Variants in NAALADL2 observed in about 807,000 individuals in gnomAD.
The protein encoded by NAALADL2 is N-acetylated alpha-linked acidic dipeptidase like 2, also known as inactive N-acetylated-alpha-linked acidic dipeptidase-like protein 2.
A neutral mutation model predicts 87.2 loss-of-function variants in NAALADL2; 76 were observed. That is an observed-to-expected ratio of 0.87 (90% confidence interval 0.72 to 1.05). NAALADL2 has a LOEUF of 1.05. Among genes scored for constraint, NAALADL2 ranks in the 50% least tolerant of loss-of-function variants. NAALADL2 has a pLI of 0.00. For synonymous variants in NAALADL2, 354 were observed against 331.0 expected (o/e 1.07, Z -0.75); for missense variants, 1,089 against 945.8 (o/e 1.15, Z -1.99).
intron 1 of NAALADL2, among the ~76,000 whole-genome samples, chr3:174,910,697 A>C (rs990413138): frequency 6.6e-6 from 1 of 152,054 alleles, no homozygotes; most frequent in Non-Finnish European, 1.5e-5. Flanking sequence ...CATATTAGTC[A>C]TATTCAACAC....
rs1356377008 is a variant in NAALADL2 at position 174,461,016 on chromosome 3, C to CAATAAGAA, written c.-184+19987_-184+19988insAAGAAAAT. 2.6e-5 allele frequency among the ~76,000 whole-genome samples: 4 copies of CAATAAGAA among 151,990 alleles called. No individual in the cohort carries two copies. The East Asian group carries it at 7.7e-4, about 29-fold the overall frequency. On this transcript the variant is annotated intron_variant, in intron 1 of 3. Coordinates refer to the NAALADL2 transcript ENST00000434257. ...CAGCTTACTTGTAATGGATGCTCTG[C>CAATAAGAA]AATTATGCAAAGTATATATAGCTCA...
intron 2 of NAALADL2, among the ~76,000 whole-genome samples, chr3:175,132,232 T>C (rs1291310656): frequency 1.9e-5 from 1 of 53,574 alleles, no homozygotes; most frequent in Non-Finnish European, 3.2e-5. Flanking sequence ...GCCCCTCACC[T>C]CCCGGACGGG....
At chr3:174,930,884 A>G (rs1381939231) in intron 1 of NAALADL2, among the ~76,000 whole-genome samples, 3 of 151,886 alleles carry the variant, frequency 2.0e-5, no homozygotes, top group African/African-American at 7.3e-5. Flanking sequence ...GGCCTCCCAA[A>G]GTGCTGGGAT....
At chr3:174,564,982 G>A (rs182332634) in intron 2 of NAALADL2, among the ~76,000 whole-genome samples, 52 of 151,726 alleles carry the variant, frequency 3.4e-4, no homozygotes, top group Admixed American at 3.0e-3. Context: ...ACTTTTTTGA[G>A]CAGTTATAGA....
chr3:175,474,170 T>C (rs1725302237), intron 9 of NAALADL2, among the ~76,000 whole-genome samples: 1 of 152,184 alleles, frequency 6.6e-6, no homozygotes, highest in Admixed American at 6.6e-5. Flanking sequence ...AAAAAGCATA[T>C]TGACTAAATT....
intron 2 of NAALADL2, among the ~76,000 whole-genome samples, chr3:174,610,641 G>A (rs1188582173): frequency 2.0e-5 from 3 of 151,976 alleles, no homozygotes; most frequent in Admixed American, 2.0e-4. Context: ...AGTTAGAATG[G>A]CAATCATTAA....
intron 12 of NAALADL2, among the ~76,000 whole-genome samples, chr3:175,748,608 C>G (rs1746228377): frequency 6.6e-6 from 1 of 152,110 alleles, no homozygotes; most frequent in African/African-American, 2.4e-5. Context: ...AAAGAAAAAG[C>G]TTACATTTGT....
At chr3:174,658,720 G>GT (rs1258661807) in intron 2 of NAALADL2, among the ~76,000 whole-genome samples, 1 of 152,188 alleles carries the variant, frequency 6.6e-6, no homozygotes, top group South Asian at 2.1e-4. Flanking sequence ...CTAAATGGTA[G>GT]TTTTTTCAAT....
chr3:175,042,535 A>G (rs985530015), intron 1 of NAALADL2, among the ~76,000 whole-genome samples: 21 of 152,156 alleles, frequency 1.4e-4, no homozygotes, highest in Admixed American at 1.2e-3. Flanking sequence ...TGCCTATACC[A>G]ATTTATATTC....
At chr3:174,880,651 T>C (rs1729081013) in intron 1 of NAALADL2, among the ~76,000 whole-genome samples, 1 of 144,686 alleles carries the variant, frequency 6.9e-6, no homozygotes, top group Admixed American at 7.2e-5. Context: ...TCCGCCTAGA[T>C]TATCCTTCTC....
At chr3:174,554,838 T>A (rs1334941222) in intron 2 of NAALADL2, among the ~76,000 whole-genome samples, 1 of 152,196 alleles carries the variant, frequency 6.6e-6, no homozygotes, top group Admixed American at 6.5e-5. Context: ...CTGGGCAATT[T>A]ATAAACAATC....
chr3:174,798,610 GA>G (rs1194745069), intron 3 of NAALADL2, among the ~76,000 whole-genome samples: 2 of 151,022 alleles, frequency 1.3e-5, no homozygotes, highest in African/African-American at 4.9e-5. Flanking sequence ...TTCTTTCAAT[GA>G]TTTTTTTTAG....
intron 2 of NAALADL2, among the ~76,000 whole-genome samples, chr3:175,144,647 T>C (rs1730503094): frequency 6.6e-6 from 1 of 151,946 alleles, no homozygotes; most frequent in Admixed American, 6.6e-5. Flanking sequence ...TATACAGAAT[T>C]TTGTGTGTTA....
intron 13 of NAALADL2, among the ~76,000 whole-genome samples, chr3:175,757,453 C>T (rs1040485122): frequency 3.3e-5 from 5 of 151,932 alleles, no homozygotes; most frequent in African/African-American, 1.2e-4. Flanking sequence ...TTAATTTCTA[C>T]ATTTATAGAA....
intron 2 of NAALADL2, among the ~76,000 whole-genome samples, chr3:174,573,675 AG>A (rs1394608214): frequency 6.6e-6 from 1 of 152,060 alleles, no homozygotes; most frequent in Non-Finnish European, 1.5e-5. Context: ...GAACAGAAGC[AG>A]GGGGCAAGGT....
In NAALADL2 at chr3:175,062,504, G is replaced by GTA. The variant is rs1264949424; in HGVS notation, c.44-34285_44-34284insAT. 7.3e-3 allele frequency among the ~76,000 whole-genome samples: 1,106 copies of GTA among 151,420 alleles called. 13 individuals carry two copies. Among genetic ancestry groups the GTA allele is most frequent in the African/African-American group, 0.025 (1,050 of 41,222 alleles). Reference sequence around the variant, plus strand: ...TGTGTGTGTGTGTGTGTGTGTGTGTGTGTGTGTGTGTGTGTGTGTGTTTCC... The same window carrying GTA: ...TGTGTGTGTGTGTGTGTGTGTGTGTGTATGTGTGTGTGTGTGTGTGTGTTTCC... On this transcript the variant is annotated intron_variant, in intron 1 of 13. Coordinates refer to ENST00000454872, the MANE Select transcript of NAALADL2 (RefSeq NM_207015.3).
At chr3:175,299,996 AG>A (rs1482207903) in intron 4 of NAALADL2, among the ~76,000 whole-genome samples, 4 of 152,172 alleles carry the variant, frequency 2.6e-5, no homozygotes, top group South Asian at 4.1e-4. Context: ...TTTAGGATGA[AG>A]GGGTGTTGAA....
At chr3:175,133,529 G>C (rs555325869) in intron 2 of NAALADL2, among the ~76,000 whole-genome samples, 1 of 152,136 alleles carries the variant, frequency 6.6e-6, no homozygotes, top group African/African-American at 2.4e-5. Flanking sequence ...AGACCAGCCC[G>C]GTCAACACAG....
chr3:175,682,186 C>A (rs1483257753), intron 11 of NAALADL2, among the ~76,000 whole-genome samples: 1 of 151,862 alleles, frequency 6.6e-6, no homozygotes, highest in African/African-American at 2.4e-5. Flanking sequence ...ACCCAAATTC[C>A]AAATAAGAAG....
Sources: allele counts gnomAD v4.1 joint callset (sites outside exome capture counted in the v4.1 genomes callset), GRCh38; gene constraint gnomAD v4.1.1; transcripts MANE v1.5; gene names NCBI Gene and HGNC (gene_info 2026-07-23, HGNC 2026-07-21).